Variants in VSTM2L observed in about 807,000 individuals in gnomAD.
VSTM2L encodes V-set and transmembrane domain-containing protein 2-like protein.
In VSTM2L, 9 loss-of-function variants were observed where a neutral mutation model predicts 19.9. That is an observed-to-expected ratio of 0.45 (90% CI 0.27 to 0.79). The LOEUF (loss-of-function observed/expected upper bound fraction) is 0.79. Ranked by LOEUF, VSTM2L falls within the 30% of genes least tolerant of loss-of-function variation. VSTM2L has a pLI of 0.15. For synonymous variants in VSTM2L, 127 were observed against 133.8 expected (o/e 0.95, Z 0.35); for missense variants, 286 against 295.5 (o/e 0.97, Z 0.24).
chr20:37,908,339 G>A (rs577101934), intron 1 of VSTM2L, among the ~76,000 whole-genome samples: 13 of 152,290 alleles, frequency 8.5e-5, no homozygotes, highest in African/African-American at 2.4e-4. Flanking sequence ...CTGATCCACC[G>A]GCTGTGGGGG....
At chr20:37,934,244 G>A (rs2072927039) in intron 3 of VSTM2L, among the ~76,000 whole-genome samples, 2 of 152,218 alleles carry the variant, frequency 1.3e-5, no homozygotes, top group Admixed American at 6.5e-5. Context: ...CTGGGGCCCA[G>A]GGGAGTTCAG....
intron 1 of VSTM2L, among the ~76,000 whole-genome samples, chr20:37,908,345 G>A (rs1032430041): frequency 1.3e-5 from 2 of 152,194 alleles, no homozygotes; most frequent in South Asian, 2.1e-4. Flanking sequence ...CACCGGCTGT[G>A]GGGGCAGGAG....
chr20:37,913,104 G>A (rs1297127054), intron 1 of VSTM2L, among the ~76,000 whole-genome samples: 1 of 152,152 alleles, frequency 6.6e-6, no homozygotes, highest in East Asian at 1.9e-4. Context: ...CAGGCACTCA[G>A]TAAATGTCAG....
chr20:37,903,517 C>A (rs759233916), intron 1 of VSTM2L, 46 bp downstream of exon 1: 3 of 1,423,100 alleles, frequency 2.1e-6, no homozygotes, highest in South Asian at 1.4e-5. Flanking sequence ...CAAACCCCAA[C>A]CCGGGCCGCG....
At chr20:37,913,024 G>A (rs1009162758) in intron 1 of VSTM2L, among the ~76,000 whole-genome samples, 2 of 151,892 alleles carry the variant, frequency 1.3e-5, no homozygotes, top group Admixed American at 6.6e-5. Context: ...TATGCACACA[G>A]CTCTCTTCGA....
chr20:37,930,945 A>T (rs2072905355), intron 1 of VSTM2L, among the ~76,000 whole-genome samples: 1 of 152,180 alleles, frequency 6.6e-6, no homozygotes, highest in Non-Finnish European at 1.5e-5. Context: ...CGGGATCCTC[A>T]AGGAGGACCT....
chr20:37,912,403 G>C (rs1278858339), intron 1 of VSTM2L, among the ~76,000 whole-genome samples: 1 of 152,246 alleles, frequency 6.6e-6, no homozygotes, highest in East Asian at 1.9e-4. Flanking sequence ...GTCCAGCACT[G>C]TTAGTGGGAA....
intron 1 of VSTM2L, among the ~76,000 whole-genome samples, chr20:37,930,385 C>T (rs747994111): frequency 3.3e-5 from 5 of 152,142 alleles, no homozygotes; most frequent in Admixed American, 1.3e-4. Flanking sequence ...TGAGGACTCC[C>T]GGGGCTGGGA....
At chr20:37,928,786 A>G (rs1021955196) in intron 1 of VSTM2L, among the ~76,000 whole-genome samples, 1 of 152,200 alleles carries the variant, frequency 6.6e-6, no homozygotes, top group Non-Finnish European at 1.5e-5. Flanking sequence ...AGCACCTGCT[A>G]TGTGCCAGGT....
At chr20:37,933,242 T>C (rs777554290) in intron 2 of VSTM2L, among the ~76,000 whole-genome samples, 2 of 152,258 alleles carry the variant, frequency 1.3e-5, no homozygotes, top group Non-Finnish European at 2.9e-5. Context: ...GATTTCTGCC[T>C]GTTCACACTC....
intron 1 of VSTM2L, among the ~76,000 whole-genome samples, chr20:37,904,771 A>T (rs1351424548): frequency 6.6e-6 from 1 of 152,102 alleles, no homozygotes; most frequent in East Asian, 1.9e-4. Context: ...TTGCTGGGGT[A>T]TGACACATGA....
chr20:37,930,897 G>A (rs887422093), intron 1 of VSTM2L, among the ~76,000 whole-genome samples: 2 of 152,184 alleles, frequency 1.3e-5, no homozygotes, highest in Non-Finnish European at 2.9e-5. Flanking sequence ...TGGAGCTGCC[G>A]CAGGCAACAG....
intron 1 of VSTM2L, among the ~76,000 whole-genome samples, chr20:37,908,816 T>C (rs1437623431): frequency 1.3e-5 from 2 of 152,096 alleles, no homozygotes; most frequent in African/African-American, 4.8e-5. Context: ...AGTAAATAAA[T>C]AGATAAAAAT....
chr20:37,942,678 A>AG (rs2072979333), intron 3 of VSTM2L, among the ~76,000 whole-genome samples: 1 of 152,234 alleles, frequency 6.6e-6, no homozygotes, highest in South Asian at 2.1e-4. Flanking sequence ...GGTGTGCTCT[A>AG]GGGGGTCACG....
chr20:37,908,994 C>T (rs1041151679), intron 1 of VSTM2L, among the ~76,000 whole-genome samples: 4 of 152,104 alleles, frequency 2.6e-5, no homozygotes, highest in Non-Finnish European at 5.9e-5. Flanking sequence ...AAGTGGCTTA[C>T]CCAAGGTCAC....
At chr20:37,916,470 A>G (rs1372116082) in intron 1 of VSTM2L, among the ~76,000 whole-genome samples, 1 of 152,226 alleles carries the variant, frequency 6.6e-6, no homozygotes, top group African/African-American at 2.4e-5. Flanking sequence ...AGAATATTTT[A>G]GTTCTCCTTA....
chr20:37,924,233 GAC>G (rs1278575429), intron 1 of VSTM2L, among the ~76,000 whole-genome samples: 1 of 150,940 alleles, frequency 6.6e-6, no homozygotes, highest in African/African-American at 2.4e-5. Context: ...CAGCCTGGAT[GAC>G]AGAGTGAGAC....
intron 3 of VSTM2L, among the ~76,000 whole-genome samples, chr20:37,940,824 A>G (rs2072967935): frequency 6.6e-6 from 1 of 152,200 alleles, no homozygotes; most frequent in African/African-American, 2.4e-5. Context: ...TTGGCAGGAG[A>G]AGAGTGAACG....
At chr20:37,908,188 T>A (rs1020949002) in intron 1 of VSTM2L, among the ~76,000 whole-genome samples, 6 of 152,144 alleles carry the variant, frequency 3.9e-5, no homozygotes, top group Non-Finnish European at 7.3e-5. Flanking sequence ...TGCAGCCTTT[T>A]CCCCAAACAA....
Sources: gnomAD v4.1 joint callset for allele counts (sites outside exome capture counted in the v4.1 genomes callset) on GRCh38, gnomAD v4.1.1 for gene constraint, MANE v1.5 for transcripts, NCBI Gene and HGNC (gene_info 2026-07-23, HGNC 2026-07-21) for gene names.